DOP1B: variants seen among roughly 807,000 people sequenced by gnomAD.
DOP1B encodes the protein DOP1 leucine zipper like protein B.
In DOP1B, 174 loss-of-function variants were observed where a neutral mutation model predicts 233.5. That is an observed-to-expected ratio of 0.75 (90% confidence interval 0.66 to 0.85). The LOEUF is 0.85. Ranked by LOEUF, DOP1B falls within the 40% of genes least tolerant of loss-of-function variation. The pLI, the probability that DOP1B is intolerant of heterozygous loss-of-function variation, is 0.00. For missense variants in DOP1B, 2,652 were observed against 2,846.6 expected (o/e 0.93, Z 1.56); for synonymous variants, 1,190 against 1,185.6 (o/e 1.00, Z -0.08).
chr21:36,166,093 C>T (rs2065909245), intron 2 of DOP1B, among the ~76,000 whole-genome samples: 1 of 151,736 alleles, frequency 6.6e-6, no homozygotes, highest in Non-Finnish European at 1.5e-5. Flanking sequence ...ATCCTGAAAC[C>T]AACCATGCGC....
intron 11 of DOP1B, among the ~76,000 whole-genome samples, chr21:36,224,908 A>C (rs2066664731): frequency 6.6e-6 from 1 of 151,954 alleles, no homozygotes; most frequent in South Asian, 2.1e-4. Context: ...GTGAACAGCC[A>C]TGTGGACTGT....
chr21:36,265,678 T>G (rs1327825369), intron 26 of DOP1B, among the ~76,000 whole-genome samples: 1 of 152,176 alleles, frequency 6.6e-6, no homozygotes, highest in Non-Finnish European at 1.5e-5. Context: ...TCCTTTTGGT[T>G]GCGGGGACCA....
chr21:36,232,576 C>T (rs1284208309), intron 14 of DOP1B, among the ~76,000 whole-genome samples: 5 of 152,126 alleles, frequency 3.3e-5, no homozygotes, highest in African/African-American at 1.2e-4. Flanking sequence ...TACAAGGACA[C>T]CAGTCATATT....
chr21:36,169,937 G>A, intron 2 of DOP1B: 1 of 770,778 alleles, frequency 1.3e-6, no homozygotes, highest in Non-Finnish European at 2.4e-6. Context: ...ACCATAGGTG[G>A]TGTCTCCACA....
At chr21:36,197,384 G>C (rs1028046705) in intron 2 of DOP1B, among the ~76,000 whole-genome samples, 1 of 152,142 alleles carries the variant, frequency 6.6e-6, no homozygotes, top group African/African-American at 2.4e-5. Context: ...TAGTGTTTGC[G>C]TACAAGAGGA....
rs377524654 is a variant in DOP1B, at chr21:36,214,073, T to G, written c.905-8T>G. The G allele has an allele frequency of 1.9e-6, 3 of 1,607,566 alleles. No individual in the cohort carries two copies. The African/African-American group carries it at 4.0e-5, about 22-fold the overall frequency. On this transcript the variant is annotated splice_polypyrimidine_tract_variant and splice_region_variant and intron_variant, in intron 7 of 36. Transcript: ENST00000691173. Reference sequence around the variant, plus strand: ...TCTCTTTACAGCTCGGCGCTTGTTCTTTTGTAGGCTCAGACATAAAAGGAA... The same window carrying G: ...TCTCTTTACAGCTCGGCGCTTGTTCGTTTGTAGGCTCAGACATAAAAGGAA...
chr21:36,250,453 T>G (rs554557970), intron 21 of DOP1B, among the ~76,000 whole-genome samples: 1 of 152,110 alleles, frequency 6.6e-6, no homozygotes, highest in Non-Finnish European at 1.5e-5. Context: ...CCTGAGAGTG[T>G]GTGAACAGGA....
chr21:36,268,793 C>G (rs897087840), intron 26 of DOP1B, among the ~76,000 whole-genome samples: 1 of 152,186 alleles, frequency 6.6e-6, no homozygotes, highest in African/African-American at 2.4e-5. Flanking sequence ...CCTCAGCCTC[C>G]CAGGTAGCTG....
chr21:36,246,276 G>T lies in DOP1B; in HGVS notation c.4296G>T (p.Trp1432Cys), dbSNP rs754497420. ...SLINLGQDQI[W>C]SEHPLQIELL... ...TTAACTTGGGTCAGGACCAGATCTG[G>T]AGTGAGCACCCGCTGCAGATTGAGC... Residue 1432 changes from tryptophan (W) to cysteine (C), a missense_variant, in exon 19 of 37, where the codon TGG becomes TGT. By Grantham distance (215) the Trp-to-Cys change is radical. This residue lies in a region of DOP1B where 2,617 missense variants were observed against 2,794.3 expected (regional missense o/e 0.94). Transcript: ENST00000691173. The surrounding 1 kb of genome is among the most constrained non-coding windows in gnomAD (Gnocchi z 5.1). 6.2e-7 allele frequency: 1 copy of T among 1,613,942 alleles called. No homozygotes were observed. Among genetic ancestry groups the T allele is most frequent in the Non-Finnish European group, 8.5e-7 (1 of 1,180,040 alleles).
intron 2 of DOP1B, among the ~76,000 whole-genome samples, chr21:36,193,498 T>A (rs1177893082): frequency 6.6e-6 from 1 of 152,094 alleles, no homozygotes; most frequent in African/African-American, 2.4e-5. Context: ...GATCTTGATC[T>A]CCCTAGGCTT....
chr21:36,272,148 A>T (rs2067296053), intron 27 of DOP1B, among the ~76,000 whole-genome samples: 1 of 152,012 alleles, frequency 6.6e-6, no homozygotes, highest in African/African-American at 2.4e-5. Flanking sequence ...TACCTGCCAC[A>T]GAGTAATGTT....
chr21:36,227,281 C>T (rs762383889), intron 12 of DOP1B, among the ~76,000 whole-genome samples: 1 of 151,888 alleles, frequency 6.6e-6, no homozygotes, highest in South Asian at 2.1e-4. Flanking sequence ...GGCACGGTGG[C>T]TCACGCCTGT....
At chr21:36,207,404 C>CA (rs2066439674) in intron 4 of DOP1B, among the ~76,000 whole-genome samples, 1 of 151,784 alleles carries the variant, frequency 6.6e-6, no homozygotes, top group Admixed American at 6.6e-5. Flanking sequence ...AGGCTGGTCT[C>CA]AAACTCCTGA....
chr21:36,274,920 C>G (rs13046257), intron 27 of DOP1B, among the ~76,000 whole-genome samples: 2 of 151,890 alleles, frequency 1.3e-5, no homozygotes, highest in African/African-American at 4.8e-5. Flanking sequence ...TCTTGGCTCA[C>G]TGCAACCTCT....
chr21:36,225,414 A>G, intron 11 of DOP1B, 151 bp from the exon 12 acceptor site: 2 of 777,046 alleles, frequency 2.6e-6, no homozygotes, highest in African/African-American at 1.7e-5. Flanking sequence ...GTACTTTAGT[A>G]GAGATGGGGT....
At chr21:36,159,433 A>T (rs1226109762) in intron 1 of DOP1B, among the ~76,000 whole-genome samples, 2 of 152,212 alleles carry the variant, frequency 1.3e-5, no homozygotes, top group African/African-American at 4.8e-5. Context: ...CCCGGTCAAC[A>T]AGAGCGAAAC....
chr21:36,209,629 C>G (rs985549102), intron 5 of DOP1B, among the ~76,000 whole-genome samples: 1 of 152,124 alleles, frequency 6.6e-6, no homozygotes, highest in Non-Finnish European at 1.5e-5. Flanking sequence ...TCTCTTGTCT[C>G]CATTGGCTGC....
In DOP1B at chr21:36,214,065, G is replaced by T. The variant is rs757681952; in HGVS notation, c.905-16G>T. 2 of 1,590,524 alleles carry T rather than the reference G, an allele frequency of 1.3e-6. No homozygotes were observed. Among genetic ancestry groups the T allele is most frequent in the African/African-American group, 2.7e-5 (2 of 74,124 alleles). The stretch of plus-strand genomic sequence containing the variant: ...AGCACAGCTCTCTTTACAGCTCGGC[G>T]CTTGTTCTTTTGTAGGCTCAGACAT... On this transcript the variant is annotated splice_polypyrimidine_tract_variant and intron_variant, in intron 7 of 36. Coordinates refer to ENST00000691173, the MANE Select transcript of DOP1B (RefSeq NM_001320714.2).
At chr21:36,263,955 C>A in intron 26 of DOP1B, 141 bp downstream of exon 26, 2 of 867,756 alleles carry the variant, frequency 2.3e-6, no homozygotes, top group Non-Finnish European at 3.6e-6. Context: ...AGTCTTACTT[C>A]TGCCATCACT....
Sources: gnomAD v4.1 joint callset for allele counts (sites outside exome capture counted in the v4.1 genomes callset) on GRCh38, gnomAD v4.1.1 for gene constraint, gnomAD v4.1.1 regional missense constraint, Gnocchi (gnomAD v3.1) non-coding constraint, MANE v1.5 for transcripts, NCBI Gene and HGNC (gene_info 2026-07-23, HGNC 2026-07-21) for gene names.